The following SPOCK1 variants were observed in gnomAD, a reference collection of about 807,000 sequenced individuals.
The protein encoded by SPOCK1 is SPARC (osteonectin), cwcv and kazal like domains proteoglycan 1, also known as testican-1.
Under a neutral mutation model 55.3 loss-of-function variants are expected in SPOCK1, and 23 were observed. The ratio of observed to expected loss-of-function variants is 0.42; its 90% confidence interval spans 0.30 to 0.59. SPOCK1 has a LOEUF of 0.59. Ranked by LOEUF, SPOCK1 falls within the 20% of genes least tolerant of loss-of-function variation. SPOCK1 has a pLI of 0.22. For missense variants in SPOCK1, 499 were observed against 552.5 expected, an observed-to-expected ratio of 0.90 and a Z score of 0.97; for synonymous variants, 226 against 221.0, an observed-to-expected ratio of 1.02 and a Z score of -0.20.
intron 8 of SPOCK1, among the ~76,000 whole-genome samples, chr5:136,985,633 G>A (rs759144949): frequency 2.0e-5 from 3 of 152,038 alleles, no homozygotes; most frequent in Non-Finnish European, 4.4e-5. Flanking sequence ...AGGATGGATA[G>A]GAATGGTTAC....
At chr5:137,221,408 A>G (rs1056571281) in intron 3 of SPOCK1, among the ~76,000 whole-genome samples, 1 of 152,238 alleles carries the variant, frequency 6.6e-6, no homozygotes, top group African/African-American at 2.4e-5. Flanking sequence ...GGCAATATAT[A>G]TGACACACAG....
intron 6 of SPOCK1, among the ~76,000 whole-genome samples, chr5:136,998,783 C>T (rs1213642851): frequency 1.3e-5 from 2 of 152,154 alleles, no homozygotes; most frequent in Non-Finnish European, 2.9e-5. Context: ...CATGTGTGGC[C>T]ACTGGGGCTT....
chr5:137,094,768 C>A (rs1753110860), intron 5 of SPOCK1, among the ~76,000 whole-genome samples: 1 of 152,208 alleles, frequency 6.6e-6, no homozygotes, highest in African/African-American at 2.4e-5. Context: ...ACAAAAATTT[C>A]TCAGTAGCAA....
chr5:137,364,138 G>A lies in SPOCK1; in HGVS notation c.187-97083C>T, dbSNP rs190033150. Among the ~76,000 whole-genome samples, 27 of 152,318 alleles carry A rather than the reference G, an allele frequency of 1.8e-4. 1 individual carries two copies. In the East Asian group the frequency reaches 5.2e-3, roughly 29 times the overall value. On this transcript the variant is annotated intron_variant, in intron 2 of 10. Coordinates refer to ENST00000394945, the MANE Select transcript of SPOCK1 (RefSeq NM_004598.4). ...ATTAACCTCCATCACATGGGGGAGTGAATACCCAGCCTGCCCCTTCACAGG... is the reference window on the plus strand; with the variant it reads ...ATTAACCTCCATCACATGGGGGAGTAAATACCCAGCCTGCCCCTTCACAGG...
chr5:137,437,866 T>C (rs573738433), intron 2 of SPOCK1, among the ~76,000 whole-genome samples: 2 of 152,306 alleles, frequency 1.3e-5, no homozygotes, highest in East Asian at 3.9e-4. Context: ...CAGAACTTTT[T>C]CATCTTGAGA....
intron 6 of SPOCK1, 54 bp downstream of exon 6, chr5:137,067,661 C>G: frequency 6.7e-7 from 1 of 1,500,466 alleles, no homozygotes. Context: ...CACATCAACC[C>G]TCTGTGACCC....
intron 2 of SPOCK1, among the ~76,000 whole-genome samples, chr5:137,475,060 C>T (rs1392331451): frequency 2.0e-5 from 3 of 152,040 alleles, no homozygotes; most frequent in Non-Finnish European, 4.4e-5. Flanking sequence ...CGGCAGACAC[C>T]CCCTTAACCA....
intron 2 of SPOCK1, among the ~76,000 whole-genome samples, chr5:137,329,042 A>G (rs934825648): frequency 6.6e-6 from 1 of 152,194 alleles, no homozygotes. Flanking sequence ...GTGTCTGTGA[A>G]GGTGTATCTG....
At chr5:137,270,027 T>A (rs1182092248) in intron 2 of SPOCK1, among the ~76,000 whole-genome samples, 1 of 152,210 alleles carries the variant, frequency 6.6e-6, no homozygotes, top group Non-Finnish European at 1.5e-5. Context: ...TTCTATCACT[T>A]CTACCCTGGG....
chr5:137,283,298 C>G (rs1033012554), intron 2 of SPOCK1, among the ~76,000 whole-genome samples: 3 of 152,226 alleles, frequency 2.0e-5, no homozygotes, highest in African/African-American at 7.2e-5. Flanking sequence ...GCTCCCAGTT[C>G]ACTCACATGT....
intron 2 of SPOCK1, among the ~76,000 whole-genome samples, chr5:137,495,028 A>G (rs1398423145): frequency 6.6e-6 from 1 of 152,238 alleles, no homozygotes; most frequent in Non-Finnish European, 1.5e-5. Context: ...ATTGTGTACA[A>G]AAGTCCAGGC....
chr5:137,116,910 G>C (rs1040762005), intron 4 of SPOCK1, among the ~76,000 whole-genome samples: 8 of 151,984 alleles, frequency 5.3e-5, no homozygotes, highest in African/African-American at 1.2e-4. Context: ...CTTTCTCTGT[G>C]GCCTGGCTAA....
At chr5:137,463,841 C>T (rs181109310) in intron 2 of SPOCK1, among the ~76,000 whole-genome samples, 5 of 152,044 alleles carry the variant, frequency 3.3e-5, no homozygotes, top group Admixed American at 6.5e-5. Context: ...CCAGCTACTC[C>T]GGAGACTGAG....
At chr5:137,061,510 C>T (rs576408175) in intron 6 of SPOCK1, among the ~76,000 whole-genome samples, 3 of 152,202 alleles carry the variant, frequency 2.0e-5, no homozygotes, top group Non-Finnish European at 4.4e-5. Flanking sequence ...TCCTCTTTAG[C>T]ATGCCCTGTT....
chr5:137,215,486 A>G (rs567464373), intron 3 of SPOCK1, among the ~76,000 whole-genome samples: 5 of 152,310 alleles, frequency 3.3e-5, no homozygotes, highest in Admixed American at 6.5e-5. Context: ...GAATTAGAAC[A>G]GTTGTGATGA....
intron 3 of SPOCK1, among the ~76,000 whole-genome samples, chr5:137,193,978 A>ATC (rs1287319293): frequency 0.015 from 2,223 of 152,248 alleles, 63 homozygotes; most frequent in African/African-American, 0.051. Flanking sequence ...TCATGTAGGT[A>ATC]ACCTATCAGG....
intron 3 of SPOCK1, among the ~76,000 whole-genome samples, chr5:137,195,274 A>G (rs558434258): frequency 1.8e-4 from 27 of 152,280 alleles, no homozygotes; most frequent in African/African-American, 6.5e-4. Flanking sequence ...TCCAACTTTT[A>G]GGAGCCTCTG....
chr5:137,470,430 G>C (rs768877105), intron 2 of SPOCK1, among the ~76,000 whole-genome samples: 27 of 152,174 alleles, frequency 1.8e-4, no homozygotes, highest in Non-Finnish European at 2.9e-5. Context: ...CAGTGTGGGA[G>C]GTGAGGCTGT....
chr5:137,438,743 T>C (rs1752917982), intron 2 of SPOCK1, among the ~76,000 whole-genome samples: 1 of 152,186 alleles, frequency 6.6e-6, no homozygotes, highest in South Asian at 2.1e-4. Flanking sequence ...GAAGGTAGCA[T>C]CTCTTCTCAG....
Sources: gnomAD v4.1 joint callset for allele counts (sites outside exome capture counted in the v4.1 genomes callset) on GRCh38, gnomAD v4.1.1 for gene constraint, MANE v1.5 for transcripts, NCBI Gene and HGNC (gene_info 2026-07-23, HGNC 2026-07-21) for gene names.